Variants in TADA2A observed in about 807,000 individuals in gnomAD.
TADA2A encodes transcriptional adaptor 2A, also known as transcriptional adapter 2-alpha.
TADA2A carries 38 observed loss-of-function variants against 67.4 expected under a neutral mutation model. The ratio of observed to expected loss-of-function variants is 0.56; its 90% CI spans 0.44 to 0.74. The LOEUF (loss-of-function observed/expected upper bound fraction) is 0.74, where lower values mean the gene tolerates loss of function less well. TADA2A is among the 30% of genes least tolerant of loss of function. The probability of loss-of-function intolerance (pLI) is 0.00; values close to 1 mark genes in which losing one functional copy is unlikely to be tolerated. For missense variants in TADA2A, 454 were observed against 547.0 expected (o/e 0.83, Z 1.70); for synonymous variants, 192 against 181.6 (o/e 1.06, Z -0.46).
At chr17:37,462,597 A>C (rs929527843) in intron 10 of TADA2A, among the ~76,000 whole-genome samples, 1 of 152,114 alleles carries the variant, frequency 6.6e-6, no homozygotes. Flanking sequence ...ACGCCAGTGC[A>C]CTCCAGCCTG....
intron 4 of TADA2A, among the ~76,000 whole-genome samples, chr17:37,430,185 C>G (rs1449343008): frequency 2.0e-5 from 3 of 152,214 alleles, no homozygotes; most frequent in African/African-American, 7.2e-5. Context: ...CTAAGTTTCA[C>G]TCCACATCAC....
rs1198672460 is a variant in TADA2A, at chr17:37,427,009, G to A, written c.192G>A (p.Met64Ile). 6.3e-7 allele frequency: 1 copy of A among 1,575,386 alleles called. No homozygotes were observed. The highest frequency in any genetic ancestry group is 8.6e-7 in the Non-Finnish European group (1 of 1,159,056). The change falls in exon 4 of 16, where the codon ATG becomes ATA. Residue 64 changes from methionine (M) to isoleucine (I), a missense_variant and splice_region_variant. By Grantham distance (10) the Met-to-Ile change is conservative (BLOSUM62 1). Around this residue, in one of 2 missense-constraint regions of TADA2A, gnomAD observed 403 missense variants for 455.5 expected, o/e 0.88. Transcript: ENST00000615182. ...KHQSDHTYEI[M>I]TSDFPVLDPS... ...AAAGCGATCATACTTATGAAATAATGGTAATGATGAAGTTGCTGGGAATTT... is the reference window on the plus strand; with the variant it reads ...AAAGCGATCATACTTATGAAATAATAGTAATGATGAAGTTGCTGGGAATTT...
chr17:37,444,919 TTGGATTTTGACC>T (rs2053031954), intron 8 of TADA2A, 151 bp downstream of exon 8: 1 of 726,598 alleles, frequency 1.4e-6, no homozygotes, highest in African/African-American at 1.8e-5. Context: ...TACTGTGTTG[TTGGATTTTGACC>T]ACAGTGAATA....
At chr17:37,434,164 G>A (rs933096772) in intron 4 of TADA2A, among the ~76,000 whole-genome samples, 3 of 152,170 alleles carry the variant, frequency 2.0e-5, no homozygotes, top group African/African-American at 7.2e-5. Context: ...ACAGGTCGAA[G>A]TGTATTTTGT....
chr17:37,424,348 G>A (rs1056382559), intron 3 of TADA2A, among the ~76,000 whole-genome samples: 4 of 151,734 alleles, frequency 2.6e-5, no homozygotes, highest in African/African-American at 9.7e-5. Flanking sequence ...GGAGGCTGAG[G>A]CAGGAGAATC....
Position 37,444,713 on chromosome 17 carries a change from A to C in TADA2A, c.549A>C (p.Ala183=), listed in dbSNP as rs765664784. Residue 183 remains alanine (A), a synonymous_variant, in exon 8 of 16, where the codon GCA becomes GCC. Coordinates refer to ENST00000615182, the MANE Select transcript of TADA2A (RefSeq NM_001166105.3). ...CTAAACAGGAATTTGACAATTATGC[A>C]GAATGGGACTTGAGAGACATTGATT... is the stretch of plus-strand genomic sequence containing the variant. ...ADFIEEFDNY[A]EWDLRDIDFV... 1 of 1,614,048 alleles carries C rather than the reference A, an allele frequency of 6.2e-7. No individual in the cohort carries two copies.
chr17:37,460,719 C>A (rs2053527446), intron 9 of TADA2A, among the ~76,000 whole-genome samples: 1 of 152,154 alleles, frequency 6.6e-6, no homozygotes. Flanking sequence ...TCTCAGACCT[C>A]TGTTGGTTTC....
At chr17:37,458,395 T>G in intron 8 of TADA2A, 129 bp from the exon 9 acceptor site, 2 of 426,898 alleles carry the variant, frequency 4.7e-6, no homozygotes, top group East Asian at 1.0e-4. Context: ...TCTAGACTAG[T>G]GAGTGTGGAG....
intron 6 of TADA2A, among the ~76,000 whole-genome samples, chr17:37,441,929 G>A (rs1040325070): frequency 6.6e-6 from 1 of 152,162 alleles, no homozygotes; most frequent in Non-Finnish European, 1.5e-5. Flanking sequence ...GCCTCCCAAA[G>A]TGTTGGGATT....
At chr17:37,455,389 TTTG>T (rs1265067751) in intron 8 of TADA2A, among the ~76,000 whole-genome samples, 2 of 151,466 alleles carry the variant, frequency 1.3e-5, no homozygotes, top group Non-Finnish European at 2.9e-5. Flanking sequence ...TGTTTGTTTG[TTTG>T]TTTTTTTGAG....
At chr17:37,417,178 G>A (rs1043988684) in intron 2 of TADA2A, among the ~76,000 whole-genome samples, 2 of 151,448 alleles carry the variant, frequency 1.3e-5, no homozygotes, top group Non-Finnish European at 2.9e-5. Context: ...TCAGGAGTTC[G>A]AGACCAGCCT....
At chr17:37,470,297 C>G in intron 12 of TADA2A, 103 bp from the exon 13 acceptor site, 1 of 1,415,540 alleles carries the variant, frequency 7.1e-7, no homozygotes, top group Non-Finnish European at 9.6e-7. Context: ...GCAAAGGAAA[C>G]AGACTTTAAG....
chr17:37,473,154 G>A (rs1431246265), intron 14 of TADA2A, among the ~76,000 whole-genome samples: 1 of 68,276 alleles, frequency 1.5e-5, no homozygotes, highest in Admixed American at 2.0e-4. Flanking sequence ...TTTTTTTTTG[G>A]TAGAAACAAG....
chr17:37,463,053 G>T (rs2053583667), intron 10 of TADA2A, among the ~76,000 whole-genome samples: 1 of 151,970 alleles, frequency 6.6e-6, no homozygotes, highest in South Asian at 2.1e-4. Flanking sequence ...TCTTGCTGCA[G>T]CCTTGAACTC....
In TADA2A at chr17:37,467,510, AT is replaced by A; in HGVS notation, c.882del (p.Thr295ProfsTer53). ...KRLQEYRTAG[I>X]TNFCSARTYD... Reference sequence around the variant, plus strand: ...GCTCCAAGAATACAGGACAGCAGGCATTACCAATTTTTGTAGTAAGTATGCT... The same window carrying A: ...GCTCCAAGAATACAGGACAGCAGGCATACCAATTTTTGTAGTAAGTATGCT... On this transcript the variant is annotated frameshift_variant, in exon 12 of 16. Transcript: ENST00000615182. LOFTEE classifies it high-confidence loss of function. 1 of 1,613,820 alleles carries A rather than the reference AT, an allele frequency of 6.2e-7. No homozygotes were observed. Among genetic ancestry groups the A allele is most frequent in the Non-Finnish European group, 8.5e-7 (1 of 1,179,872 alleles).
chr17:37,475,989 C>T (rs886543212), intron 15 of TADA2A, among the ~76,000 whole-genome samples: 3 of 152,196 alleles, frequency 2.0e-5, no homozygotes, highest in Non-Finnish European at 4.4e-5. Context: ...TCCCCATCTC[C>T]CACCATATAT....
chr17:37,475,759 C>T (rs549502631), intron 15 of TADA2A, among the ~76,000 whole-genome samples: 59 of 152,278 alleles, frequency 3.9e-4, no homozygotes, highest in African/African-American at 1.4e-3. Flanking sequence ...GCCACTGCAC[C>T]GGCCTGATTA....
At chr17:37,417,237 G>T (rs1321256062) in intron 2 of TADA2A, among the ~76,000 whole-genome samples, 1 of 151,570 alleles carries the variant, frequency 6.6e-6, no homozygotes, top group African/African-American at 2.4e-5. Context: ...AAAATTAGCT[G>T]GGTGTGTTGG....
At chr17:37,455,405 G>A (rs748132941) in intron 8 of TADA2A, among the ~76,000 whole-genome samples, 10 of 149,838 alleles carry the variant, frequency 6.7e-5, no homozygotes, top group South Asian at 4.2e-4. Context: ...TTTTTGAGAC[G>A]GAGTCTCACT....
Sources: gnomAD v4.1 joint callset for allele counts (sites outside exome capture counted in the v4.1 genomes callset) on GRCh38, gnomAD v4.1.1 for gene constraint, gnomAD v4.1.1 regional missense constraint, MANE v1.5 for transcripts, NCBI Gene and HGNC (gene_info 2026-07-23, HGNC 2026-07-21) for gene names.